TRPC5: variants seen among roughly 807,000 people sequenced by gnomAD.
TRPC5 encodes the protein transient receptor potential cation channel subfamily C member 5.
In TRPC5, 9 loss-of-function variants were observed where a neutral mutation model predicts 56.5. That is an observed-to-expected ratio of 0.16 (90% CI 0.10 to 0.28). TRPC5 has a LOEUF of 0.28. Among genes scored for constraint, TRPC5 ranks in the 10% least tolerant of loss-of-function variants. TRPC5 has a pLI of 1.00. For missense variants in TRPC5, 469 were observed against 748.9 expected (o/e 0.63, Z 4.36); for synonymous variants, 282 against 278.5 (o/e 1.01, Z -0.13).
intron 10 of TRPC5, 42 bp from the exon 11 acceptor site, chrX:111,777,044 C>T: frequency 9.4e-7 from 1 of 1,060,411 alleles, no homozygotes. Context: ...GAAGCTTGGT[C>T]TTTATTTCAA....
intron 1 of TRPC5, among the ~76,000 whole-genome samples, chrX:112,074,948 CA>C (rs1331780997): frequency 2.4e-4 from 27 of 112,310 alleles, no homozygotes; most frequent in African/African-American, 7.8e-4. Context: ...TGCCCCGTAA[CA>C]AATGTGAAAA....
chrX:111,809,953 C>T (rs1421994374), intron 7 of TRPC5, among the ~76,000 whole-genome samples: 1 of 108,372 alleles, frequency 9.2e-6, no homozygotes, highest in Non-Finnish European at 1.9e-5. Context: ...CTTGCCCTGT[C>T]GCCCAGGCTG....
chrX:111,901,363 CA>C (rs1341595751), intron 3 of TRPC5, among the ~76,000 whole-genome samples: 1 of 111,475 alleles, frequency 9.0e-6, no homozygotes, highest in East Asian at 2.8e-4. Flanking sequence ...ATGAGGTTTT[CA>C]AAGGAAAGAG....
chrX:111,917,459 T>A (rs1603097623), intron 2 of TRPC5, among the ~76,000 whole-genome samples: 2 of 112,063 alleles, frequency 1.8e-5, no homozygotes, highest in African/African-American at 6.5e-5. Context: ...GGGTATTGAG[T>A]CTCCATATTC....
chrX:111,875,284 A>G (rs948045568), intron 3 of TRPC5, among the ~76,000 whole-genome samples: 1 of 111,824 alleles, frequency 8.9e-6, no homozygotes, highest in South Asian at 3.7e-4. Context: ...TCACTTAAAT[A>G]CCAAATACCT....
At chrX:112,069,544 G>A (rs1930665256) in intron 1 of TRPC5, among the ~76,000 whole-genome samples, 1 of 112,373 alleles carries the variant, frequency 8.9e-6, no homozygotes, top group Non-Finnish European at 1.9e-5. Context: ...CTTCAGAGCT[G>A]CCCTGGCTAA....
chrX:111,915,029 C>T (rs1015700619), intron 2 of TRPC5, among the ~76,000 whole-genome samples: 2 of 107,561 alleles, frequency 1.9e-5, no homozygotes, highest in Non-Finnish European at 1.9e-5. Context: ...GGGTCTGCTT[C>T]CTACCATGCT....
intron 7 of TRPC5, among the ~76,000 whole-genome samples, chrX:111,809,148 C>T (rs1320887358): frequency 1.8e-5 from 2 of 110,915 alleles, no homozygotes; most frequent in Non-Finnish European, 3.8e-5. Context: ...CTCCCTTGGC[C>T]GCCCCTGCTG....
intron 1 of TRPC5, among the ~76,000 whole-genome samples, chrX:112,004,234 A>G (rs1928774185): frequency 8.9e-6 from 1 of 112,070 alleles, no homozygotes; most frequent in Admixed American, 9.5e-5. Context: ...TTGTTATATT[A>G]TCAACAGAAC....
intron 3 of TRPC5, among the ~76,000 whole-genome samples, chrX:111,905,933 AAAG>A (rs1418282839): frequency 2.8e-5 from 3 of 107,125 alleles, no homozygotes; most frequent in Admixed American, 1.0e-4. Context: ...AAAAAAAAAG[AAAG>A]AAAGAAAAAT....
At chrX:112,029,808 C>A (rs1395329392) in intron 1 of TRPC5, among the ~76,000 whole-genome samples, 3 of 106,985 alleles carry the variant, frequency 2.8e-5, no homozygotes, top group Non-Finnish European at 5.8e-5. Context: ...AATAATGAGT[C>A]GTTTTCATGA....
chrX:112,015,033 C>T (rs947339225), intron 1 of TRPC5, among the ~76,000 whole-genome samples: 76 of 49,349 alleles, frequency 1.5e-3, no homozygotes, highest in African/African-American at 7.4e-3. Context: ...GCCTTCTTGC[C>T]ATTTTTTTTT....
intron 1 of TRPC5, among the ~76,000 whole-genome samples, chrX:111,995,287 A>T (rs1928491564): frequency 8.9e-6 from 1 of 112,058 alleles, no homozygotes; most frequent in South Asian, 3.7e-4. Context: ...GCGTATGTTG[A>T]ACCACCCTTG....
rs1435425096 is a variant in TRPC5, at chrX:111,771,545, A to G, written c.*4768T>C. ...CAGTTAACTCTGTTTCTTAAACATTACATTTTCTAAAAGTAAAGCTCTCAC... is the reference window on the plus strand; with the variant it reads ...CAGTTAACTCTGTTTCTTAAACATTGCATTTTCTAAAAGTAAAGCTCTCAC... On this transcript the variant is annotated 3_prime_UTR_variant, in exon 11 of 11. Transcript: ENST00000262839. Among the ~76,000 whole-genome samples, 1 of 111,095 alleles carries G rather than the reference A, an allele frequency of 9.0e-6. No individual in the cohort carries two copies. The highest frequency in any genetic ancestry group is 3.3e-5 in the African/African-American group (1 of 30,523).
chrX:112,046,907 C>T (rs1930042889), intron 1 of TRPC5, among the ~76,000 whole-genome samples: 1 of 111,305 alleles, frequency 9.0e-6, no homozygotes, highest in South Asian at 3.9e-4. Flanking sequence ...CTTATCCTGA[C>T]CACAATGTGT....
At chrX:112,050,961 TGC>T (rs1232046815) in intron 1 of TRPC5, among the ~76,000 whole-genome samples, 2 of 112,308 alleles carry the variant, frequency 1.8e-5, no homozygotes, top group African/African-American at 6.5e-5. Flanking sequence ...AATCCAAGTG[TGC>T]CACTTATTCT....
intron 1 of TRPC5, among the ~76,000 whole-genome samples, chrX:111,980,408 G>A (rs937025821): frequency 1.8e-5 from 2 of 110,966 alleles, no homozygotes; most frequent in African/African-American, 6.5e-5. Flanking sequence ...AGTTTAATGG[G>A]ATATATGTCA....
chrX:112,073,045 T>C (rs187956127), intron 1 of TRPC5, among the ~76,000 whole-genome samples: 131 of 112,029 alleles, frequency 1.2e-3, no homozygotes, highest in Non-Finnish European at 2.0e-3. Context: ...TTTATAATGC[T>C]TTCTGTCCTG....
intron 1 of TRPC5, among the ~76,000 whole-genome samples, chrX:111,954,335 T>C (rs963560505): frequency 8.9e-5 from 10 of 111,744 alleles, no homozygotes; most frequent in South Asian, 3.8e-4. Context: ...TGCTAGGGGA[T>C]AGGAAACAAT....
Sources: gnomAD v4.1 joint callset for allele counts (sites outside exome capture counted in the v4.1 genomes callset) on GRCh38, gnomAD v4.1.1 for gene constraint, MANE v1.5 for transcripts, NCBI Gene and HGNC (gene_info 2026-07-23, HGNC 2026-07-21) for gene names.